RBFOX3: variants seen among roughly 807,000 people sequenced by gnomAD.
The protein encoded by RBFOX3 is RNA binding fox-1 homolog 3, also known as RNA binding protein fox-1 homolog 3.
In RBFOX3, 17 loss-of-function variants were observed where a neutral mutation model predicts 48.7. That is an observed-to-expected ratio of 0.35 (90% CI 0.24 to 0.52). The LOEUF (loss-of-function observed/expected upper bound fraction) is 0.52. Among genes scored for constraint, RBFOX3 ranks in the 20% least tolerant of loss-of-function variants. The pLI, the probability that RBFOX3 is intolerant of heterozygous loss-of-function variation, is 0.94. For synonymous variants in RBFOX3, 212 were observed against 209.5 expected (o/e 1.01, Z -0.10); for missense variants, 382 against 497.5 (o/e 0.77, Z 2.21).
intron 5 of RBFOX3, among the ~76,000 whole-genome samples, chr17:79,107,569 G>C (rs949229023): frequency 4.6e-5 from 7 of 152,232 alleles, no homozygotes; most frequent in Admixed American, 3.9e-4. Context: ...CTGGCCGTGA[G>C]CTCACGGCAA....
chr17:79,198,435 C>T lies in RBFOX3; in HGVS notation c.-34+37331G>A, dbSNP rs1204310022. ...AACGCTGGCATCTGTGTCCCGCCTGCCAGCTCATGGAGAAAGTTCACAAAT... is the reference window on the plus strand; with the variant it reads ...AACGCTGGCATCTGTGTCCCGCCTGTCAGCTCATGGAGAAAGTTCACAAAT... On this transcript the variant is annotated intron_variant, in intron 4 of 14. Coordinates refer to ENST00000693108, the MANE Select transcript of RBFOX3 (RefSeq NM_001350451.2). The surrounding 1 kb of genome is among the most constrained non-coding windows in gnomAD (Gnocchi z 8.2). 1.3e-5 allele frequency among the ~76,000 whole-genome samples: 2 copies of T among 152,208 alleles called. No individual in the cohort carries two copies. Among genetic ancestry groups the T allele is most frequent in the Non-Finnish European group, 2.9e-5 (2 of 68,036 alleles).
intron 2 of RBFOX3, among the ~76,000 whole-genome samples, chr17:79,340,266 TCC>T (rs1455722344): frequency 1.4e-5 from 2 of 146,606 alleles, no homozygotes; most frequent in African/African-American, 5.0e-5. Context: ...ACCATTGCAC[TCC>T]AGCCTGGGCA....
chr17:79,323,414 T>C (rs1204504579), intron 2 of RBFOX3, among the ~76,000 whole-genome samples: 1 of 152,226 alleles, frequency 6.6e-6, no homozygotes, highest in African/African-American at 2.4e-5. Context: ...AGGGCAGTTT[T>C]CCTGGAGATG....
chr17:79,393,303 C>A lies in RBFOX3; in HGVS notation c.-174-85479G>T, dbSNP rs529810745. On this transcript the variant is annotated intron_variant, in intron 2 of 14. Transcript: ENST00000693108. ...CTCTCCTACCCACACCCCAACCCCA[C>A]ACTTCCACCTGCACCTAACTTGCTT... Among the ~76,000 whole-genome samples, 143 of 152,382 alleles carry A rather than the reference C, an allele frequency of 9.4e-4. 1 individual carries two copies. Among genetic ancestry groups the A allele is most frequent in the African/African-American group, 3.3e-3 (137 of 41,588 alleles).
intron 4 of RBFOX3, among the ~76,000 whole-genome samples, chr17:79,219,863 G>T (rs1360892146): frequency 1.3e-5 from 2 of 152,084 alleles, no homozygotes; most frequent in East Asian, 3.9e-4. Context: ...GTTCCTGGGA[G>T]CCATCTGAAG....
intron 3 of RBFOX3, among the ~76,000 whole-genome samples, chr17:79,245,629 A>ATT (rs10577875): frequency 0.3 from 38,483 of 129,936 alleles, 5,945 homozygotes; most frequent in Middle Eastern, 0.43. Context: ...GAACATTTGG[A>ATT]TTTTTTTTTT....
At chr17:79,191,291 C>G (rs2054469998) in intron 4 of RBFOX3, among the ~76,000 whole-genome samples, 1 of 152,206 alleles carries the variant, frequency 6.6e-6, no homozygotes, top group Non-Finnish European at 1.5e-5. Context: ...ACCCCGCACC[C>G]CAGGACTGGG....
intron 1 of RBFOX3, among the ~76,000 whole-genome samples, chr17:79,605,963 G>A (rs1397153526): frequency 1.3e-5 from 2 of 152,196 alleles, no homozygotes; most frequent in Admixed American, 6.5e-5. Context: ...CTACCCACAA[G>A]GGGAACACTC....
At chr17:79,501,754 G>C (rs1331435769) in intron 1 of RBFOX3, among the ~76,000 whole-genome samples, 1 of 152,154 alleles carries the variant, frequency 6.6e-6, no homozygotes, top group African/African-American at 2.4e-5. Context: ...CTTCAAATTA[G>C]ACCCATCATC....
At chr17:79,096,207 G>A (rs987663404) in intron 12 of RBFOX3, among the ~76,000 whole-genome samples, 4 of 152,188 alleles carry the variant, frequency 2.6e-5, no homozygotes, top group Admixed American at 6.5e-5. Flanking sequence ...GCCCCATGAA[G>A]GGGGAGAAAG....
intron 5 of RBFOX3, among the ~76,000 whole-genome samples, chr17:79,112,906 G>GGCC (rs1555693103): frequency 5.4e-5 from 6 of 110,936 alleles, no homozygotes; most frequent in African/African-American, 2.2e-4. Context: ...CAGGCTCTCG[G>GGCC]GGGGGGGGTG....
intron 3 of RBFOX3, among the ~76,000 whole-genome samples, chr17:79,260,369 C>T (rs542741735): frequency 1.3e-5 from 2 of 152,206 alleles, no homozygotes; most frequent in South Asian, 4.1e-4. Context: ...CTGCCCCACA[C>T]GTTCTGGGCC....
At chr17:79,602,517 G>C (rs1343581245) in intron 1 of RBFOX3, among the ~76,000 whole-genome samples, 2 of 152,110 alleles carry the variant, frequency 1.3e-5, no homozygotes, top group African/African-American at 2.4e-5. Context: ...CACACGCCCC[G>C]TCCCAGGTCT....
rs1003234958 is a variant in RBFOX3 at position 79,423,170 on chromosome 17, G to T, written c.-175+59284C>A. On this transcript the variant is annotated intron_variant, in intron 2 of 14. Transcript: ENST00000693108. This position sits in a 1 kb window ranked among gnomAD's most constrained non-coding sequence, Gnocchi z 4.9. ...CACCCCCACCAGAGTTTTCAAACGT[G>T]TCTTGGCGTCACATGTCCAAAACCA... 2.6e-5 allele frequency among the ~76,000 whole-genome samples: 4 copies of T among 152,164 alleles called. No homozygotes were observed. The highest frequency in any genetic ancestry group is 9.7e-5 in the African/African-American group (4 of 41,442).
At chr17:79,498,727 C>G (rs1280729994) in intron 1 of RBFOX3, among the ~76,000 whole-genome samples, 4 of 150,594 alleles carry the variant, frequency 2.7e-5, no homozygotes, top group Non-Finnish European at 4.4e-5. Flanking sequence ...TCCACCCACC[C>G]CATCTACCCA....
intron 1 of RBFOX3, among the ~76,000 whole-genome samples, chr17:79,577,321 T>C (rs1438030093): frequency 2.0e-5 from 3 of 152,076 alleles, no homozygotes; most frequent in Non-Finnish European, 4.4e-5. Flanking sequence ...TCAGGCACCA[T>C]GAACGGGGCA....
chr17:79,138,657 AG>A lies in RBFOX3; in HGVS notation c.-33-22910del, dbSNP rs749030119. 1.5e-3 allele frequency among the ~76,000 whole-genome samples: 166 copies of A among 109,442 alleles called. 1 individual carries two copies. The highest frequency in any genetic ancestry group is 6.2e-3 in the South Asian group (21 of 3,396). The allele number at this position is 109,442 out of a possible 152,430, so 71.8% of individuals were successfully genotyped here. A position where few individuals can be genotyped will look rare whatever the true frequency, so the allele number is the denominator to read the frequency against. On this transcript the variant is annotated intron_variant, in intron 4 of 14. Transcript: ENST00000693108. ...TCCTCACCCACACACGCACATACACAGCACATGCATTCACACCCTCACCCAT... is the reference window on the plus strand; with the variant it reads ...TCCTCACCCACACACGCACATACACACACATGCATTCACACCCTCACCCAT...
At chr17:79,578,983 A>C (rs1207645664) in intron 1 of RBFOX3, among the ~76,000 whole-genome samples, 1 of 152,186 alleles carries the variant, frequency 6.6e-6, no homozygotes, top group Non-Finnish European at 1.5e-5. Flanking sequence ...GGGTGGCTGC[A>C]CTTCAGACTC....
At chr17:79,213,316 G>A (rs1318267944) in intron 4 of RBFOX3, among the ~76,000 whole-genome samples, 4 of 152,186 alleles carry the variant, frequency 2.6e-5, no homozygotes, top group Non-Finnish European at 5.9e-5. Flanking sequence ...GGGGAAGGAC[G>A]CGGCGGGGGG....
Sources: allele counts gnomAD v4.1 joint callset (sites outside exome capture counted in the v4.1 genomes callset), GRCh38; gene constraint gnomAD v4.1.1; non-coding constraint Gnocchi (gnomAD v3.1); transcripts MANE v1.5; gene names NCBI Gene and HGNC (gene_info 2026-07-23, HGNC 2026-07-21).